The following EXOC4 variants were observed in gnomAD, a reference collection of about 807,000 sequenced individuals.
EXOC4 encodes the protein exocyst complex component 4.
In EXOC4, 71 loss-of-function variants were observed where a neutral mutation model predicts 107.2. That is an observed-to-expected ratio of 0.66 (90% CI 0.55 to 0.81). The LOEUF is 0.81. EXOC4 is among the 30% of genes least tolerant of loss of function. EXOC4 has a pLI of 0.00. For synonymous variants in EXOC4, 456 were observed against 441.2 expected (o/e 1.03, Z -0.42); for missense variants, 1,108 against 1,189.6 (o/e 0.93, Z 1.01).
intron 17 of EXOC4, among the ~76,000 whole-genome samples, chr7:134,039,354 G>A (rs1199988338): frequency 6.6e-6 from 1 of 152,100 alleles, no homozygotes; most frequent in Non-Finnish European, 1.5e-5. Context: ...TGCAAAATCT[G>A]TGTTTATATA....
At chr7:133,470,562 T>C (rs910701526) in intron 7 of EXOC4, among the ~76,000 whole-genome samples, 1 of 152,192 alleles carries the variant, frequency 6.6e-6, no homozygotes, top group Non-Finnish European at 1.5e-5. Flanking sequence ...TATGTAGACT[T>C]CCAAGTGCTT....
At chr7:133,384,244 G>C (rs1796678130) in intron 7 of EXOC4, among the ~76,000 whole-genome samples, 1 of 152,176 alleles carries the variant, frequency 6.6e-6, no homozygotes, top group Admixed American at 6.5e-5. Context: ...GGATACCCCA[G>C]AATAGGTTGA....
At chr7:133,338,140 T>TA (rs1273080904) in intron 5 of EXOC4, among the ~76,000 whole-genome samples, 1 of 151,990 alleles carries the variant, frequency 6.6e-6, no homozygotes, top group Non-Finnish European at 1.5e-5. Context: ...TTTGGTTTGT[T>TA]ACTCTTAAAA....
chr7:133,583,465 A>G (rs2150969832), intron 9 of EXOC4, among the ~76,000 whole-genome samples: 1 of 152,362 alleles, frequency 6.6e-6, no homozygotes, highest in East Asian at 1.9e-4. Flanking sequence ...GGAACATAGA[A>G]GGGCACTTGA....
chr7:133,652,007 G>A (rs964433299), intron 10 of EXOC4, among the ~76,000 whole-genome samples: 2 of 152,134 alleles, frequency 1.3e-5, no homozygotes, highest in Non-Finnish European at 2.9e-5. Flanking sequence ...AGGCAGGTGC[G>A]ACTTGATAGA....
intron 14 of EXOC4, among the ~76,000 whole-genome samples, chr7:133,963,616 T>A (rs1297985033): frequency 6.6e-6 from 1 of 152,194 alleles, no homozygotes; most frequent in Non-Finnish European, 1.5e-5. Context: ...GCTTAAATTA[T>A]TAGAGAGTTA....
chr7:133,878,188 C>T (rs1335688945), intron 11 of EXOC4, among the ~76,000 whole-genome samples: 2 of 152,178 alleles, frequency 1.3e-5, no homozygotes, highest in East Asian at 1.9e-4. Context: ...CTAATATCTC[C>T]ATATTTCTAA....
intron 7 of EXOC4, among the ~76,000 whole-genome samples, chr7:133,450,452 C>G (rs7788086): frequency 6.6e-6 from 1 of 152,068 alleles, no homozygotes; most frequent in Admixed American, 6.6e-5. Flanking sequence ...CATGAGCCAC[C>G]GTGCCAGGCC....
At chr7:133,721,646 C>T (rs10246188) in intron 10 of EXOC4, among the ~76,000 whole-genome samples, 150,206 of 152,296 alleles carry the variant, frequency 0.99, 74,120 homozygotes, top group Middle Eastern at 1. Flanking sequence ...ATAAATCAGG[C>T]GTCTCTTTTC....
At chr7:133,691,959 G>A (rs1044023612) in intron 10 of EXOC4, among the ~76,000 whole-genome samples, 1 of 152,150 alleles carries the variant, frequency 6.6e-6, no homozygotes, top group African/African-American at 2.4e-5. Flanking sequence ...CATGGCTGAT[G>A]TTTCAGTCTG....
intron 11 of EXOC4, among the ~76,000 whole-genome samples, chr7:133,855,130 TATATATATATATAA>T (rs1798342776): frequency 9.4e-6 from 1 of 105,964 alleles, no homozygotes; most frequent in Non-Finnish European, 1.9e-5. Flanking sequence ...TATATATAAA[TATATATATATATAA>T]ATATATATAT....
chr7:134,049,044 T>A (rs1795722943), intron 17 of EXOC4, among the ~76,000 whole-genome samples: 1 of 152,208 alleles, frequency 6.6e-6, no homozygotes, highest in African/African-American at 2.4e-5. Context: ...TTCCAGGGTG[T>A]ATGTAAACTG....
At chr7:133,715,728 G>A (rs533826912) in intron 10 of EXOC4, among the ~76,000 whole-genome samples, 4 of 152,080 alleles carry the variant, frequency 2.6e-5, no homozygotes, top group Admixed American at 1.3e-4. Context: ...GACATTGTTC[G>A]TTGTTTTCTT....
At chr7:133,804,022 C>A (rs1012328) in intron 10 of EXOC4, among the ~76,000 whole-genome samples, 131,913 of 152,166 alleles carry the variant, frequency 0.87, 57,346 homozygotes, top group East Asian at 0.99. Flanking sequence ...ATGTCGAAAT[C>A]CTGATAATGT....
chr7:134,007,678 C>A lies in EXOC4; in HGVS notation c.2530C>A (p.Leu844Met). The A allele has an allele frequency of 6.2e-7, 1 of 1,612,714 alleles. No individual in the cohort carries two copies. Among genetic ancestry groups the A allele is most frequent in the Non-Finnish European group, 8.5e-7 (1 of 1,179,270 alleles). ...QHKFQYIFEG[L>M]GHLISCILIN... ...CCCGCACTGTGCTGACCCCTCAGGCCTGGGCCACCTGATCTCCTGCATCCT... is the reference window on the plus strand; with the variant it reads ...CCCGCACTGTGCTGACCCCTCAGGCATGGGCCACCTGATCTCCTGCATCCT... Residue 844 changes from leucine to methionine, a missense_variant and splice_region_variant, in exon 17 of 18, where the codon CTG (leucine) becomes ATG (methionine). Leu to Met is a conservative substitution (Grantham distance 15). Coordinates refer to ENST00000253861, the MANE Select transcript of EXOC4 (RefSeq NM_021807.4).
chr7:133,341,839 T>C (rs996979529), intron 5 of EXOC4, among the ~76,000 whole-genome samples: 10 of 152,196 alleles, frequency 6.6e-5, no homozygotes, highest in Non-Finnish European at 1.3e-4. Flanking sequence ...TTGTCTGATA[T>C]AGAAATAGCT....
intron 2 of EXOC4, among the ~76,000 whole-genome samples, chr7:133,286,403 T>C (rs532533781): frequency 6.6e-6 from 1 of 152,368 alleles, no homozygotes; most frequent in African/African-American, 2.4e-5. Flanking sequence ...CAAAATTCTG[T>C]TTCCTGCATA....
intron 10 of EXOC4, among the ~76,000 whole-genome samples, chr7:133,650,104 C>A (rs952033096): frequency 2.0e-5 from 3 of 152,078 alleles, no homozygotes; most frequent in Non-Finnish European, 2.9e-5. Context: ...TTTGTTTGAT[C>A]ATTTTTCCTC....
chr7:133,907,688 T>A (rs10281697), intron 12 of EXOC4, among the ~76,000 whole-genome samples: 70,934 of 151,688 alleles, frequency 0.47, 17,883 homozygotes, highest in African/African-American at 0.66. Flanking sequence ...AATATACAAA[T>A]ATTAGCTGGG....
Sources: gnomAD v4.1 joint callset for allele counts (sites outside exome capture counted in the v4.1 genomes callset) on GRCh38, gnomAD v4.1.1 for gene constraint, MANE v1.5 for transcripts, NCBI Gene and HGNC (gene_info 2026-07-23, HGNC 2026-07-21) for gene names.